The following LYN variants were observed in gnomAD, a reference collection of about 807,000 sequenced individuals.
LYN encodes the protein tyrosine-protein kinase Lyn.
LYN carries 12 observed loss-of-function variants against 65.0 expected under a neutral mutation model. The ratio of observed to expected loss-of-function variants is 0.18; its 90% CI spans 0.12 to 0.30. The LOEUF is 0.30. Among genes scored for constraint, LYN ranks in the 10% least tolerant of loss-of-function variants. The pLI, the probability that LYN is intolerant of heterozygous loss-of-function variation, is 1.00. For missense variants in LYN, 380 were observed against 623.2 expected, an observed-to-expected ratio of 0.61 and a Z score of 4.16; for synonymous variants, 222 against 221.2, an observed-to-expected ratio of 1.00 and a Z score of -0.03.
chr8:55,958,430 C>G (rs533938992), intron 8 of LYN, among the ~76,000 whole-genome samples: 4 of 152,174 alleles, frequency 2.6e-5, no homozygotes, highest in Admixed American at 1.3e-4. Flanking sequence ...GAAAATACAT[C>G]ACTTGAATAG....
intron 8 of LYN, among the ~76,000 whole-genome samples, chr8:55,956,416 C>T (rs1329787873): frequency 5.3e-5 from 8 of 152,154 alleles, no homozygotes; most frequent in South Asian, 2.1e-4. Context: ...TAGTATTAGC[C>T]GGTCCTATTC....
At chr8:55,975,078 G>A (rs1298119059) in intron 10 of LYN, among the ~76,000 whole-genome samples, 1 of 152,158 alleles carries the variant, frequency 6.6e-6, no homozygotes, top group African/African-American at 2.4e-5. Flanking sequence ...ACTGAAGAAG[G>A]CATTCATGAA....
chr8:55,940,778 T>A (rs1450468261), intron 1 of LYN, among the ~76,000 whole-genome samples: 1 of 152,160 alleles, frequency 6.6e-6, no homozygotes, highest in South Asian at 2.1e-4. Context: ...GCGTGTGTAG[T>A]GCTCAGCCGT....
chr8:55,998,208 A>G, intron 10 of LYN, 138 bp from the exon 11 acceptor site: 1 of 576,546 alleles, frequency 1.7e-6, no homozygotes, highest in Non-Finnish European at 3.1e-6. Context: ...GCCATTACCC[A>G]CTGTCTTTAA....
At chr8:55,885,509 G>C (rs1804767436) in intron 1 of LYN, among the ~76,000 whole-genome samples, 1 of 152,168 alleles carries the variant, frequency 6.6e-6, no homozygotes, top group African/African-American at 2.4e-5. Flanking sequence ...CATCTGGTGG[G>C]GAGGTCTTCG....
At chr8:55,914,310 C>A (rs1011107054) in intron 1 of LYN, among the ~76,000 whole-genome samples, 5 of 151,876 alleles carry the variant, frequency 3.3e-5, no homozygotes, top group African/African-American at 1.2e-4. Context: ...TCTAAGGGGG[C>A]CAGTCCTGCT....
At chr8:55,984,697 C>T (rs886308418) in intron 10 of LYN, among the ~76,000 whole-genome samples, 2 of 152,230 alleles carry the variant, frequency 1.3e-5, no homozygotes, top group Non-Finnish European at 2.9e-5. Flanking sequence ...CCAGTGGTCA[C>T]ACAGCAGTCA....
Position 55,911,093 on chromosome 8 carries a change from A to ATATATATG in LYN, c.-5-30756_-5-30755insTGTATATA, listed in dbSNP as rs1224517265. Among the ~76,000 whole-genome samples, 3 of 33,820 alleles carry ATATATATG rather than the reference A, an allele frequency of 8.9e-5. 1 individual carries two copies. Among genetic ancestry groups the ATATATATG allele is most frequent in the African/African-American group, 3.8e-4 (3 of 7,872 alleles). The allele number at this position is 33,820 out of a possible 152,430, so 22.2% of individuals were successfully genotyped here. On this transcript the variant is annotated intron_variant, in intron 1 of 12. Transcript: ENST00000519728. ...TATATATATACATACATATATATAT[A>ATATATATG]TATATACATACACGTATATATACGT... is the stretch of plus-strand genomic sequence containing the variant.
At chr8:55,923,643 G>A (rs1212681464) in intron 1 of LYN, among the ~76,000 whole-genome samples, 2 of 152,000 alleles carry the variant, frequency 1.3e-5, no homozygotes, top group Non-Finnish European at 2.9e-5. Flanking sequence ...GGGTTCAAGC[G>A]ATTCTCCTGC....
intron 10 of LYN, among the ~76,000 whole-genome samples, chr8:55,991,651 C>T (rs1837219628): frequency 6.6e-6 from 1 of 152,100 alleles, no homozygotes; most frequent in South Asian, 2.1e-4. Flanking sequence ...CCTCCCAGGA[C>T]AGCAGTGGGC....
At chr8:55,890,339 A>C (rs141678193) in intron 1 of LYN, among the ~76,000 whole-genome samples, 1 of 152,250 alleles carries the variant, frequency 6.6e-6, no homozygotes, top group East Asian at 1.9e-4. Context: ...TAATAAAAAG[A>C]AAGTTGCTTA....
chr8:55,938,222 C>T lies in LYN; in HGVS notation c.-5-3633C>T, dbSNP rs143826940. ...GTGTTGCTTTGTAATCAAAAGGCTGCCTGGCCGTTTGTGTCTCTTTAGACC... is the reference window on the plus strand; with the variant it reads ...GTGTTGCTTTGTAATCAAAAGGCTGTCTGGCCGTTTGTGTCTCTTTAGACC... On this transcript the variant is annotated intron_variant, in intron 1 of 12. Transcript: ENST00000519728. 4.3e-3 allele frequency among the ~76,000 whole-genome samples: 654 copies of T among 152,284 alleles called. 22 individuals carry two copies. Among genetic ancestry groups the T allele is most frequent in the Admixed American group, 0.037 (561 of 15,288 alleles).
intron 4 of LYN, among the ~76,000 whole-genome samples, 155 bp downstream of exon 4, chr8:55,947,878 G>A (rs1258383614): frequency 1.3e-5 from 2 of 152,238 alleles, no homozygotes; most frequent in Non-Finnish European, 2.9e-5. Flanking sequence ...GGAGTGGGCA[G>A]TGGAAGGAAT....
intron 1 of LYN, among the ~76,000 whole-genome samples, chr8:55,915,430 G>T (rs1397528448): frequency 6.6e-6 from 1 of 152,110 alleles, no homozygotes; most frequent in Admixed American, 6.6e-5. Context: ...TTGTGATCTT[G>T]GGCCTGGCTC....
intron 9 of LYN, among the ~76,000 whole-genome samples, chr8:55,969,388 C>A (rs551196171): frequency 6.6e-6 from 1 of 152,284 alleles, no homozygotes; most frequent in African/African-American, 2.4e-5. Flanking sequence ...AGTGAGCTCG[C>A]TAAAGATTGG....
At chr8:55,960,864 A>T (rs1164471743) in intron 8 of LYN, among the ~76,000 whole-genome samples, 1 of 152,086 alleles carries the variant, frequency 6.6e-6, no homozygotes, top group Non-Finnish European at 1.5e-5. Flanking sequence ...CTGGGTGGGG[A>T]TAAAAGAAAG....
chr8:55,937,010 A>G (rs1257831551), intron 1 of LYN, among the ~76,000 whole-genome samples: 1 of 152,158 alleles, frequency 6.6e-6, no homozygotes, highest in Non-Finnish European at 1.5e-5. Flanking sequence ...CCTCATAGAC[A>G]TTTATAGCTA....
intron 1 of LYN, among the ~76,000 whole-genome samples, chr8:55,889,113 G>T (rs1804882489): frequency 1.3e-5 from 2 of 152,140 alleles, no homozygotes; most frequent in Non-Finnish European, 2.9e-5. Flanking sequence ...CACCTCCCAG[G>T]CCCAAGCCAT....
At chr8:55,927,843 A>T in intron 1 of LYN, among the ~76,000 whole-genome samples, 1 of 117,658 alleles carries the variant, frequency 8.5e-6, no homozygotes, top group Non-Finnish European at 2.1e-5. Flanking sequence ...CCCAAGGGGG[A>T]AAAAAAAAAG....
Sources: allele counts gnomAD v4.1 joint callset (sites outside exome capture counted in the v4.1 genomes callset), GRCh38; gene constraint gnomAD v4.1.1; transcripts MANE v1.5; gene names NCBI Gene and HGNC (gene_info 2026-07-23, HGNC 2026-07-21).